Variants in CNTNAP3B observed in about 807,000 individuals in gnomAD.
CNTNAP3B encodes contactin associated protein family member 3B, also known as contactin-associated protein-like 3B.
CNTNAP3B carries 25 observed loss-of-function variants against 108.9 expected under a neutral mutation model. The observed-to-expected ratio is 0.23, with a 90% CI of 0.17 to 0.32. CNTNAP3B has a LOEUF of 0.32. Ranked by LOEUF, CNTNAP3B falls within the 10% of genes least tolerant of loss-of-function variation. The pLI, the probability that CNTNAP3B is intolerant of heterozygous loss-of-function variation, is 1.00. For missense variants in CNTNAP3B, 252 were observed against 1,210.4 expected, an observed-to-expected ratio of 0.21 and a Z score of 11.75; for synonymous variants, 103 against 473.4, an observed-to-expected ratio of 0.22 and a Z score of 10.16.
intron 13 of CNTNAP3B, among the ~76,000 whole-genome samples, chr9:41,941,516 A>T (rs1194256531): frequency 1.3e-5 from 2 of 150,462 alleles, no homozygotes; most frequent in African/African-American, 2.5e-5. Context: ...ATACACCCTT[A>T]AAAAAATGAG....
chr9:41,966,154 A>G (rs1436265800), intron 10 of CNTNAP3B, among the ~76,000 whole-genome samples: 1 of 152,294 alleles, frequency 6.6e-6, no homozygotes, highest in East Asian at 1.9e-4. Flanking sequence ...CCATTTTTAA[A>G]AGAGCAGCTG....
At chr9:42,087,567 A>T (rs1366581201) in intron 2 of CNTNAP3B, among the ~76,000 whole-genome samples, 2 of 144,770 alleles carry the variant, frequency 1.4e-5, no homozygotes, top group Non-Finnish European at 3.0e-5. Flanking sequence ...GGCAAAGGAG[A>T]CAGATACAAA....
chr9:41,969,598 A>G (rs567426649), intron 10 of CNTNAP3B, among the ~76,000 whole-genome samples: 1 of 152,136 alleles, frequency 6.6e-6, no homozygotes, highest in East Asian at 1.9e-4. Context: ...AAAAAATGCT[A>G]TTTATTCCAT....
At chr9:42,028,705 G>A (rs1826453543) in intron 3 of CNTNAP3B, among the ~76,000 whole-genome samples, 1 of 150,124 alleles carries the variant, frequency 6.7e-6, no homozygotes, top group Non-Finnish European at 1.5e-5. Context: ...ATATATTTTA[G>A]ACTACGTTAA....
At chr9:41,936,169 C>T (rs1432564971) in intron 14 of CNTNAP3B, among the ~76,000 whole-genome samples, 8 of 152,412 alleles carry the variant, frequency 5.2e-5, no homozygotes, top group South Asian at 2.1e-4. Context: ...CCCAGTTACT[C>T]GGGAGGCTGA....
intron 3 of CNTNAP3B, among the ~76,000 whole-genome samples, chr9:42,035,570 G>A (rs1826607287): frequency 6.8e-6 from 1 of 147,868 alleles, no homozygotes; most frequent in Admixed American, 6.7e-5. Context: ...TATGAAAATA[G>A]TATATATTTC....
chr9:42,089,175 A>G (rs1827767439), intron 2 of CNTNAP3B, among the ~76,000 whole-genome samples: 1 of 99,722 alleles, frequency 1.0e-5, no homozygotes, highest in Non-Finnish European at 2.0e-5. Flanking sequence ...GGGGGAAAGG[A>G]GAAAGAAGGG....
intron 8 of CNTNAP3B, among the ~76,000 whole-genome samples, chr9:41,986,592 A>G (rs1825707635): frequency 6.6e-6 from 1 of 150,902 alleles, no homozygotes; most frequent in Non-Finnish European, 1.5e-5. Context: ...TATATACAGT[A>G]GAAGCCTTTA....
chr9:41,957,553 T>A (rs1824899117), intron 12 of CNTNAP3B, among the ~76,000 whole-genome samples: 2 of 143,936 alleles, frequency 1.4e-5, no homozygotes, highest in Admixed American at 1.4e-4. Flanking sequence ...GCATTCTTCA[T>A]TTCTGTTATG....
At chr9:42,062,739 A>T (rs748891271) in intron 3 of CNTNAP3B, among the ~76,000 whole-genome samples, 1 of 81,468 alleles carries the variant, frequency 1.2e-5, no homozygotes, top group Non-Finnish European at 2.6e-5. Flanking sequence ...TTCTCTTTCC[A>T]TCTTCCTTTG....
intron 8 of CNTNAP3B, among the ~76,000 whole-genome samples, chr9:41,990,010 T>C (rs2118343405): frequency 7.2e-6 from 1 of 139,000 alleles, no homozygotes; most frequent in South Asian, 2.4e-4. Context: ...GGACAAGTTG[T>C]CCTTTATCTT....
At chr9:41,951,954 G>C (rs1455807072) in intron 13 of CNTNAP3B, among the ~76,000 whole-genome samples, 1 of 152,266 alleles carries the variant, frequency 6.6e-6, no homozygotes, top group Admixed American at 6.5e-5. Flanking sequence ...GCACCCGCCT[G>C]TATTCTCAGC....
At chr9:41,948,349 C>G (rs1201992077) in intron 13 of CNTNAP3B, among the ~76,000 whole-genome samples, 1 of 152,186 alleles carries the variant, frequency 6.6e-6, no homozygotes, top group Admixed American at 6.5e-5. Context: ...GCCTCAGCCT[C>G]CCAAAGTGCT....
In CNTNAP3B at chr9:42,118,163, C is replaced by T. The variant is rs1396311747; in HGVS notation, c.85+10847G>A. On this transcript the variant is annotated intron_variant, in intron 1 of 23. Coordinates refer to ENST00000377561, the MANE Select transcript of CNTNAP3B (RefSeq NM_001201380.3). ...TCAACAGAAAAAGAGGGAATCCTTC[C>T]TAACTCATTTTATGAGGCCAGCATC... Among the ~76,000 whole-genome samples, 4 of 139,542 alleles carry T rather than the reference C, an allele frequency of 2.9e-5. 1 individual carries two copies. The highest frequency in any genetic ancestry group is 1.1e-4 in the African/African-American group (4 of 35,252). 91.5% of individuals were successfully genotyped at this position (139,542 alleles called of 152,430 possible).
Position 41,996,450 on chromosome 9 carries a change from A to G in CNTNAP3B, c.928-102T>C. Reference sequence around the variant, plus strand: ...ATAGGTCTAGTACTAATTGTCACAAATCCATTCCCATTATCTTATATTTGC... The same window carrying G: ...ATAGGTCTAGTACTAATTGTCACAAGTCCATTCCCATTATCTTATATTTGC... On this transcript the variant is annotated intron_variant, in intron 6 of 23. Transcript: ENST00000377561. The G allele has an allele frequency of 6.4e-6, 4 of 621,640 alleles. 1 individual carries two copies. The South Asian group carries it at 9.8e-5, about 15-fold the overall frequency. 38.5% of individuals were successfully genotyped at this position (621,640 alleles called of 1,614,324 possible).
At chr9:42,054,525 C>T (rs1227069854) in intron 3 of CNTNAP3B, among the ~76,000 whole-genome samples, 27 of 151,966 alleles carry the variant, frequency 1.8e-4, no homozygotes, top group African/African-American at 6.3e-4. Context: ...GCACCTTGTA[C>T]TTGGCCAGGT....
intron 17 of CNTNAP3B, 137 bp downstream of exon 17, chr9:41,922,540 C>A: frequency 1.0e-6 from 1 of 994,344 alleles, no homozygotes; most frequent in Non-Finnish European, 1.5e-6. Context: ...CTCCTGGAAC[C>A]TACCAGGTTA....
chr9:42,035,712 C>G (rs1469402598), intron 3 of CNTNAP3B, among the ~76,000 whole-genome samples: 1 of 151,150 alleles, frequency 6.6e-6, no homozygotes, highest in African/African-American at 2.5e-5. Context: ...GGCTGGAATG[C>G]AGCAACACAA....
chr9:42,024,669 C>CA (rs1216353981), intron 3 of CNTNAP3B, among the ~76,000 whole-genome samples: 16,529 of 83,230 alleles, frequency 0.2, 426 homozygotes, highest in East Asian at 0.37. Context: ...CCAGGGTTCA[C>CA]AAAAAAAAAA....
Sources: allele counts gnomAD v4.1 joint callset (sites outside exome capture counted in the v4.1 genomes callset), GRCh38; gene constraint gnomAD v4.1.1; transcripts MANE v1.5; gene names NCBI Gene and HGNC (gene_info 2026-07-23, HGNC 2026-07-21).